BBX: variants seen among roughly 807,000 people sequenced by gnomAD.
BBX encodes the protein BBX high mobility group box domain containing, also known as HMG box transcription factor BBX.
Under a neutral mutation model 100.2 loss-of-function variants are expected in BBX, and 30 were observed. The ratio of observed to expected loss-of-function variants is 0.30; its 90% CI spans 0.22 to 0.41. The LOEUF (loss-of-function observed/expected upper bound fraction) is 0.41. Ranked by LOEUF, BBX falls within the 10% of genes least tolerant of loss-of-function variation. The pLI, the probability that BBX is intolerant of heterozygous loss-of-function variation, is 1.00. For missense variants in BBX, 1,023 were observed against 1,129.8 expected, an observed-to-expected ratio of 0.91 and a Z score of 1.35; for synonymous variants, 376 against 388.1, an observed-to-expected ratio of 0.97 and a Z score of 0.37.
chr3:107,665,325 A>G (rs1282813867), intron 3 of BBX, among the ~76,000 whole-genome samples: 1 of 152,218 alleles, frequency 6.6e-6, no homozygotes, highest in Non-Finnish European at 1.5e-5. Flanking sequence ...AACCATAGCC[A>G]GTCATTTCTT....
chr3:107,583,810 A>G (rs2052458588), intron 2 of BBX, among the ~76,000 whole-genome samples: 1 of 143,916 alleles, frequency 6.9e-6, no homozygotes, highest in Admixed American at 7.3e-5. Context: ...AATAGTCCTC[A>G]GTTTTAATTT....
At chr3:107,749,899 G>T (rs2064941245) in intron 9 of BBX, among the ~76,000 whole-genome samples, 1 of 152,132 alleles carries the variant, frequency 6.6e-6, no homozygotes, top group South Asian at 2.1e-4. Flanking sequence ...CTTCCAAAAT[G>T]CTGGGATTAC....
rs184427589 is a variant in BBX, at chr3:107,539,215, G to T, written c.-84+12817G>T. Among the ~76,000 whole-genome samples, 100 of 152,158 alleles carry T rather than the reference G, an allele frequency of 6.6e-4. 1 individual carries two copies. In the East Asian group the frequency reaches 0.016, roughly 24 times the overall value. On this transcript the variant is annotated intron_variant, in intron 2 of 17. Transcript: ENST00000325805. Reference sequence around the variant, plus strand: ...TTTTTTGCAACATATAATTATTGAGGACCCATAATGTATAAAGCTGGGTTA... The same window carrying T: ...TTTTTTGCAACATATAATTATTGAGTACCCATAATGTATAAAGCTGGGTTA...
intron 10 of BBX, among the ~76,000 whole-genome samples, chr3:107,758,119 G>T (rs921812358): frequency 1.3e-5 from 2 of 152,134 alleles, no homozygotes; most frequent in Non-Finnish European, 2.9e-5. Context: ...GGAAAGAAGA[G>T]ATATTAATTC....
At chr3:107,622,579 C>T (rs1172032466) in intron 2 of BBX, among the ~76,000 whole-genome samples, 1 of 152,092 alleles carries the variant, frequency 6.6e-6, no homozygotes, top group East Asian at 1.9e-4. Context: ...CAGCATTTAC[C>T]TTTACTTGTT....
At position 107,680,832 on chromosome 3, in the gene BBX, C is replaced by A. The variant is rs935443636; in HGVS notation, c.-9-29620C>A. On this transcript the variant is annotated intron_variant, in intron 3 of 17. Transcript: ENST00000325805. ...CTTTCATTAATTAAACAGATTGGAT[C>A]TTTGTTACTCTTCTGAAAGTTTTAG... Among the ~76,000 whole-genome samples the A allele has an allele frequency of 2.0e-5, 3 of 152,242 alleles. No homozygotes were observed. In the East Asian group the frequency reaches 5.8e-4, roughly 29 times the overall value.
At position 107,528,593 on chromosome 3, in the gene BBX, C is replaced by T. The variant is rs2047938028; in HGVS notation, c.-84+2195C>T. On this transcript the variant is annotated intron_variant, in intron 2 of 17. Transcript: ENST00000325805. ...AAAATGGTATATATAGCACTTTTGACCTTATAGATCTGATTTTTATACTTA... is the reference window on the plus strand; with the variant it reads ...AAAATGGTATATATAGCACTTTTGATCTTATAGATCTGATTTTTATACTTA... 2.0e-5 allele frequency among the ~76,000 whole-genome samples: 3 copies of T among 152,204 alleles called. No homozygotes were observed. In the South Asian group the frequency reaches 6.2e-4, roughly 32 times the overall value.
intron 3 of BBX, among the ~76,000 whole-genome samples, chr3:107,688,149 C>T (rs2059954713): frequency 6.6e-6 from 1 of 152,198 alleles, no homozygotes; most frequent in African/African-American, 2.4e-5. Context: ...ATGAATGCCA[C>T]AAAATTCCAG....
intron 3 of BBX, among the ~76,000 whole-genome samples, chr3:107,701,370 C>T (rs942550963): frequency 6.6e-6 from 1 of 152,146 alleles, no homozygotes; most frequent in Admixed American, 6.5e-5. Context: ...TTGTCATTCT[C>T]AGTTGCTTTA....
chr3:107,694,755 G>C lies in BBX; in HGVS notation c.-9-15697G>C, dbSNP rs889540702. Among the ~76,000 whole-genome samples, 6 of 151,566 alleles carry C rather than the reference G, an allele frequency of 4.0e-5. No homozygotes were observed. In the South Asian group the frequency reaches 1.2e-3, roughly 31 times the overall value. ...CCCTCTTTTTCTATTGATTGGAATA[G>C]TTTCAGAAGGAATGGTACCAATTCC... On this transcript the variant is annotated intron_variant, in intron 3 of 17. Coordinates refer to ENST00000325805, the MANE Select transcript of BBX (RefSeq NM_001142568.3).
At chr3:107,748,093 A>G in intron 9 of BBX, 54 bp downstream of exon 9, 1 of 1,453,962 alleles carries the variant, frequency 6.9e-7, no homozygotes, top group Admixed American at 1.7e-5. Context: ...GAGCTCAGGA[A>G]TACTGGAATG....
intron 2 of BBX, among the ~76,000 whole-genome samples, chr3:107,549,322 TAAATA>T (rs1164429541): frequency 6.6e-6 from 1 of 151,450 alleles, no homozygotes; most frequent in Admixed American, 6.6e-5. Context: ...AAACAGAAAA[TAAATA>T]AAATAAGTAA....
chr3:107,571,081 A>G (rs604988), intron 2 of BBX, among the ~76,000 whole-genome samples: 37,084 of 152,046 alleles, frequency 0.24, 4,981 homozygotes, highest in Non-Finnish European at 0.3. Flanking sequence ...GGCAAGAGTT[A>G]AAGAGGTTTT....
chr3:107,791,180 A>G lies in BBX; in HGVS notation c.2294-60A>G, dbSNP rs2068979312. 2.8e-6 allele frequency: 4 copies of G among 1,406,686 alleles called. No individual in the cohort carries two copies. The Middle Eastern group carries it at 5.4e-4, about 189-fold the overall frequency. The allele number at this position is 1,406,686 out of a possible 1,614,324, so 87.1% of individuals were successfully genotyped here. A position where few individuals can be genotyped will look rare whatever the true frequency, so the allele number is the denominator to read the frequency against. On this transcript the variant is annotated intron_variant, in intron 14 of 17. Coordinates refer to ENST00000325805, the MANE Select transcript of BBX (RefSeq NM_001142568.3). ...TTGTATATCATCTTGTTTTTGTAGT[A>G]TGGGGAATCTACTAAGAGTAGAGTT...
chr3:107,530,909 T>A (rs1440252543), intron 2 of BBX, among the ~76,000 whole-genome samples: 1 of 152,226 alleles, frequency 6.6e-6, no homozygotes, highest in African/African-American at 2.4e-5. Flanking sequence ...CAAATTGATT[T>A]CATGACTTAT....
chr3:107,655,608 T>C (rs532656655), intron 3 of BBX, among the ~76,000 whole-genome samples: 1 of 150,146 alleles, frequency 6.7e-6, no homozygotes, highest in African/African-American at 2.4e-5. Flanking sequence ...AGACTTGAAC[T>C]ACTGGGCTCA....
intron 10 of BBX, among the ~76,000 whole-genome samples, chr3:107,766,808 A>G (rs1000619430): frequency 7.2e-5 from 11 of 152,200 alleles, no homozygotes; most frequent in Admixed American, 2.0e-4. Flanking sequence ...AACCAGCCCA[A>G]TTGTCCATCA....
rs765591433 is a variant in BBX, at chr3:107,773,000, G to A, written c.1279G>A (p.Asp427Asn). 1 of 1,613,986 alleles carries A rather than the reference G, an allele frequency of 6.2e-7. No individual in the cohort carries two copies. ...IIISDVPSRK[D>N]HMCHPHGIMI... Reference sequence around the variant, plus strand: ...AATTAGTGATGTTCCCAGTAGAAAGGATCATATGTGCCATCCTCATGGAAT... The same window carrying A: ...AATTAGTGATGTTCCCAGTAGAAAGAATCATATGTGCCATCCTCATGGAAT... The change falls in exon 11 of 18, where the codon GAT becomes AAT. Residue 427 changes from aspartate to asparagine, a missense_variant. By Grantham distance (23) the Asp-to-Asn change is conservative. Transcript: ENST00000325805.
At chr3:107,649,456 A>G (rs2057711445) in intron 3 of BBX, among the ~76,000 whole-genome samples, 1 of 152,224 alleles carries the variant, frequency 6.6e-6, no homozygotes, top group Admixed American at 6.5e-5. Flanking sequence ...GTATAGGGCT[A>G]ATGATCTCTA....
Sources: gnomAD v4.1 joint callset for allele counts (sites outside exome capture counted in the v4.1 genomes callset) on GRCh38, gnomAD v4.1.1 for gene constraint, MANE v1.5 for transcripts, NCBI Gene and HGNC (gene_info 2026-07-23, HGNC 2026-07-21) for gene names.